The following BSDC1 variants were observed in gnomAD, a reference collection of about 807,000 sequenced individuals.
BSDC1 encodes the protein BSD domain-containing protein 1.
Under a neutral mutation model 56.0 loss-of-function variants are expected in BSDC1, and 29 were observed. The ratio of observed to expected loss-of-function variants is 0.52; its 90% CI spans 0.39 to 0.71. The LOEUF (loss-of-function observed/expected upper bound fraction) is 0.71. Among genes scored for constraint, BSDC1 ranks in the 30% least tolerant of loss-of-function variants. The pLI is 0.00. For missense variants in BSDC1, 477 were observed against 548.5 expected (o/e 0.87, Z 1.30); for synonymous variants, 210 against 215.3 (o/e 0.98, Z 0.21).
intron 2 of BSDC1, among the ~76,000 whole-genome samples, chr1:32,389,558 A>T (rs1473504522): frequency 1.3e-5 from 2 of 152,164 alleles, no homozygotes; most frequent in Non-Finnish European, 2.9e-5. Flanking sequence ...GCTGATGTGC[A>T]AGGGCAGAGC....
chr1:32,377,496 T>G (rs910452696), intron 8 of BSDC1, among the ~76,000 whole-genome samples: 1 of 152,090 alleles, frequency 6.6e-6, no homozygotes, highest in African/African-American at 2.4e-5. Context: ...AAGAAATGCG[T>G]TAATATTATA....
chr1:32,377,935 G>C, intron 8 of BSDC1, 35 bp downstream of exon 8: 1 of 1,586,488 alleles, frequency 6.3e-7, no homozygotes, highest in Non-Finnish European at 8.6e-7. Flanking sequence ...CCGCACAGAT[G>C]TGACACTTGC....
At chr1:32,384,838 G>GT (rs574491927) in intron 3 of BSDC1, among the ~76,000 whole-genome samples, 30 of 151,872 alleles carry the variant, frequency 2.0e-4, no homozygotes, top group South Asian at 8.3e-4. Flanking sequence ...ATTGTTACAG[G>GT]TAACAATATT....
intron 2 of BSDC1, among the ~76,000 whole-genome samples, chr1:32,388,348 TTTAC>T (rs1436844371): frequency 6.6e-6 from 1 of 152,062 alleles, no homozygotes; most frequent in Non-Finnish European, 1.5e-5. Context: ...GAGGAGGTCA[TTTAC>T]TTATTTACTT....
chr1:32,389,111 A>C (rs1307601754), intron 2 of BSDC1, among the ~76,000 whole-genome samples: 2 of 151,746 alleles, frequency 1.3e-5, no homozygotes, highest in African/African-American at 2.4e-5. Flanking sequence ...CCCGCCACCA[A>C]GCCCAGCTAA....
intron 2 of BSDC1, among the ~76,000 whole-genome samples, chr1:32,389,959 T>G (rs949858609): frequency 1.5e-5 from 2 of 134,288 alleles, no homozygotes; most frequent in African/African-American, 2.9e-5. Context: ...GGTAACAGAG[T>G]GAGACCCTGT....
At chr1:32,380,916 T>TG (rs1642458918) in intron 5 of BSDC1, among the ~76,000 whole-genome samples, 2 of 152,070 alleles carry the variant, frequency 1.3e-5, no homozygotes, top group South Asian at 4.1e-4. Context: ...TGGCAGGGGC[T>TG]TAGCTAACAG....
intron 3 of BSDC1, among the ~76,000 whole-genome samples, chr1:32,385,022 A>T (rs1425092741): frequency 6.6e-6 from 1 of 152,214 alleles, no homozygotes; most frequent in East Asian, 1.9e-4. Context: ...AAGCTTGTCT[A>T]AAAAAATTCC....
chr1:32,380,392 C>T (rs950266126), intron 5 of BSDC1, among the ~76,000 whole-genome samples: 2 of 152,154 alleles, frequency 1.3e-5, no homozygotes, highest in Non-Finnish European at 2.9e-5. Context: ...TGCCTGTAAT[C>T]CCTGCATTTT....
At chr1:32,366,943 G>T (rs1641876191) in intron 10 of BSDC1, 9 of 1,171,112 alleles carry the variant, frequency 7.7e-6, no homozygotes, top group Non-Finnish European at 6.3e-6. Flanking sequence ...CAGGAACCAA[G>T]TCAGCCTCAG....
chr1:32,389,113 C>T (rs1052390707), intron 2 of BSDC1, among the ~76,000 whole-genome samples: 1 of 152,066 alleles, frequency 6.6e-6, no homozygotes, highest in Non-Finnish European at 1.5e-5. Flanking sequence ...CGCCACCAAG[C>T]CCAGCTAATT....
Position 32,383,956 on chromosome 1 carries a change from C to T in BSDC1, c.231G>A (p.Gly77=), listed in dbSNP as rs762685415. 135 of 1,613,102 alleles carry T rather than the reference C, an allele frequency of 8.4e-5. No individual in the cohort carries two copies. Among genetic ancestry groups the T allele is most frequent in the Middle Eastern group, 5.7e-4 (3 of 5,218 alleles). ...SSGATEKMKK[G]LSDFLGVISD... ...AGATCACCCCTAGGAAGTCAGATAA[C>T]CCTTTCTTCATCTTCTCTGTTGCTC... Residue 77 remains glycine (G), a synonymous_variant, in exon 4 of 11, where the codon GGG becomes GGA. Coordinates refer to ENST00000455895, the MANE Select transcript of BSDC1 (RefSeq NM_018045.8).
chr1:32,389,017 C>T (rs1254035169), intron 2 of BSDC1, among the ~76,000 whole-genome samples: 24 of 149,658 alleles, frequency 1.6e-4, no homozygotes, highest in Admixed American at 1.5e-3. Flanking sequence ...TGCAGTGGCG[C>T]GATCTCTGCT....
intron 9 of BSDC1, among the ~76,000 whole-genome samples, chr1:32,372,894 C>A (rs1642143981): frequency 1.3e-5 from 2 of 152,202 alleles, no homozygotes. Flanking sequence ...CAGGCTCCTT[C>A]CAGGCCACAG....
chr1:32,376,718 T>C lies in BSDC1; in HGVS notation c.700A>G (p.Ile234Val), dbSNP rs34885668. 0.03 allele frequency: 41,931 copies of C among 1,414,908 alleles called. 773 individuals are homozygous for C. Among genetic ancestry groups the C allele is most frequent in the Non-Finnish European group, 0.034 (35,952 of 1,072,762 alleles). The allele number at this position is 1,414,908 out of a possible 1,614,324, so 87.6% of individuals were successfully genotyped here. A position where few individuals can be genotyped will look rare whatever the true frequency, so the allele number is the denominator to read the frequency against. Reference protein sequence around the residue: ...EEEELMGISPISPKEAKVPVA... With the variant: ...EEEELMGISPVSPKEAKVPVA... ...GGAACCTTTGCCTCTTTTGGAGATA[T>C]GGGTGAAATGCCCATGAGCTCCTCT... The change falls in exon 9 of 11, where the codon ATA (isoleucine) becomes GTA (valine). Residue 234 changes from isoleucine (I) to valine (V), a missense_variant. Ile to Val is a conservative substitution (Grantham distance 29). Transcript: ENST00000455895.
chr1:32,367,189 C>A, intron 10 of BSDC1: 4 of 985,624 alleles, frequency 4.1e-6, no homozygotes, highest in Non-Finnish European at 4.8e-6. Flanking sequence ...GGCACCAACA[C>A]CCTAATTCCC....
chr1:32,383,735 G>T, intron 4 of BSDC1, 95 bp downstream of exon 4: 2 of 1,015,962 alleles, frequency 2.0e-6, no homozygotes, highest in Non-Finnish European at 3.0e-6. Context: ...TTTATTTTTT[G>T]GCCTGAACAT....
In BSDC1 at chr1:32,366,155, C is replaced by A; in HGVS notation, c.*467G>T. 4.9e-6 allele frequency: 1 copy of A among 203,318 alleles called. No individual in the cohort carries two copies. Among genetic ancestry groups the A allele is most frequent in the Non-Finnish European group, 1.0e-5 (1 of 97,736 alleles). The allele number at this position is 203,318 out of a possible 1,614,324, so 12.6% of individuals were successfully genotyped here. A position where few individuals can be genotyped will look rare whatever the true frequency, so the allele number is the denominator to read the frequency against. On this transcript the variant is annotated 3_prime_UTR_variant, in exon 11 of 11. Coordinates refer to ENST00000455895, the MANE Select transcript of BSDC1 (RefSeq NM_018045.8). ...TGGGATAGGAACCAAAATGTGTTCA[C>A]TGTCCCTGTTTAGCCAAGGGTAGGT...
chr1:32,384,002 A>G lies in BSDC1; in HGVS notation c.190-5T>C. The G allele has an allele frequency of 1.2e-6, 2 of 1,613,142 alleles. No homozygotes were observed. Among genetic ancestry groups the G allele is most frequent in the Non-Finnish European group, 1.7e-6 (2 of 1,180,022 alleles). ...TGCTCCTGAGGAGCCTTCCGTCTGTATAGAGAACGGGCAGAGGAAGCAAGC... is the reference window on the plus strand; with the variant it reads ...TGCTCCTGAGGAGCCTTCCGTCTGTGTAGAGAACGGGCAGAGGAAGCAAGC... On this transcript the variant is annotated splice_polypyrimidine_tract_variant and splice_region_variant and intron_variant, in intron 3 of 10. Coordinates refer to ENST00000455895, the MANE Select transcript of BSDC1 (RefSeq NM_018045.8).
Sources: gnomAD v4.1 joint callset for allele counts (sites outside exome capture counted in the v4.1 genomes callset) on GRCh38, gnomAD v4.1.1 for gene constraint, MANE v1.5 for transcripts, NCBI Gene and HGNC (gene_info 2026-07-23, HGNC 2026-07-21) for gene names.